NALCN: variants seen among roughly 807,000 people sequenced by gnomAD.
The protein encoded by NALCN is sodium leak channel NALCN.
Under a neutral mutation model 225.3 loss-of-function variants are expected in NALCN, and 111 were observed. The ratio of observed to expected loss-of-function variants is 0.49; its 90% CI spans 0.42 to 0.58. The LOEUF (loss-of-function observed/expected upper bound fraction) is 0.58, where lower values mean the gene tolerates loss of function less well. NALCN is among the 20% of genes least tolerant of loss of function. The pLI is 0.00. For synonymous variants in NALCN, 764 were observed against 769.0 expected (o/e 0.99, Z 0.11); for missense variants, 1,378 against 2,202.4 (o/e 0.63, Z 7.49).
chr13:101,312,076 G>A (rs1015013673), intron 7 of NALCN, among the ~76,000 whole-genome samples: 3 of 152,014 alleles, frequency 2.0e-5, no homozygotes, highest in Non-Finnish European at 4.4e-5. Context: ...ACTTCTTCCT[G>A]GTTTAGTCTT....
chr13:101,220,108 G>C (rs2040880170), intron 13 of NALCN, among the ~76,000 whole-genome samples: 1 of 152,150 alleles, frequency 6.6e-6, no homozygotes, highest in Non-Finnish European at 1.5e-5. Context: ...TATAAACATT[G>C]CTGGGAGGCA....
At chr13:101,333,929 C>G (rs754265797) in intron 7 of NALCN, among the ~76,000 whole-genome samples, 46 of 152,122 alleles carry the variant, frequency 3.0e-4, no homozygotes, top group Non-Finnish European at 4.9e-4. Context: ...GAAATTAGAG[C>G]CTAGAGTTGT....
chr13:101,092,628 G>A (rs553581058), intron 28 of NALCN, among the ~76,000 whole-genome samples: 2 of 152,080 alleles, frequency 1.3e-5, no homozygotes, highest in Non-Finnish European at 2.9e-5. Flanking sequence ...TTGGGGTTAG[G>A]TGCTTCTCCT....
rs150261723 is a variant in NALCN, at chr13:101,065,169, GACATCAGGGC to G, written c.4604+225_4604+234del. Among the ~76,000 whole-genome samples, 484 of 152,308 alleles carry G rather than the reference GACATCAGGGC, an allele frequency of 3.2e-3. 2 individuals carry two copies. The highest frequency in any genetic ancestry group is 0.011 in the African/African-American group (459 of 41,578). ...CCTCAGTGGGCAGGGGTCCCTACGG[GACATCAGGGC>G]ACAGCCGCCCAGCCCTCCCCTGCGA... is the stretch of plus-strand genomic sequence containing the variant. On this transcript the variant is annotated intron_variant, in intron 40 of 43. Transcript: ENST00000251127.
intron 1 of NALCN, among the ~76,000 whole-genome samples, chr13:101,415,208 C>CATATATATATAT (rs1030463057): frequency 3.7e-5 from 4 of 107,806 alleles, no homozygotes; most frequent in South Asian, 2.7e-4. Context: ...AAATCACACA[C>CATATATATATAT]ATATATATAT....
chr13:101,131,357 G>T (rs2139730970), intron 17 of NALCN, among the ~76,000 whole-genome samples: 1 of 152,126 alleles, frequency 6.6e-6, no homozygotes, highest in Non-Finnish European at 1.5e-5. Flanking sequence ...AGGGAATTTG[G>T]CTTTGATAAT....
chr13:101,335,504 T>G (rs1311587204), intron 7 of NALCN, among the ~76,000 whole-genome samples: 1 of 152,160 alleles, frequency 6.6e-6, no homozygotes, highest in East Asian at 1.9e-4. Flanking sequence ...TGTCCTCGAC[T>G]CAACAAAAAT....
intron 15 of NALCN, among the ~76,000 whole-genome samples, chr13:101,158,398 C>T (rs2038007559): frequency 6.6e-6 from 1 of 152,214 alleles, no homozygotes; most frequent in Non-Finnish European, 1.5e-5. Flanking sequence ...CCCCAACCTT[C>T]CTCTAACATC....
intron 11 of NALCN, among the ~76,000 whole-genome samples, chr13:101,254,498 G>A (rs576847228): frequency 2.0e-5 from 3 of 151,900 alleles, no homozygotes; most frequent in Non-Finnish European, 4.4e-5. Flanking sequence ...GGTTGTTTAA[G>A]TCAACAAAAT....
At chr13:101,088,781 A>G (rs1255038504) in intron 30 of NALCN, among the ~76,000 whole-genome samples, 3 of 152,228 alleles carry the variant, frequency 2.0e-5, no homozygotes, top group African/African-American at 7.2e-5. Context: ...ATAGGAAACT[A>G]CATTGTTATT....
intron 13 of NALCN, among the ~76,000 whole-genome samples, chr13:101,221,581 C>T (rs992419049): frequency 2.0e-5 from 3 of 152,152 alleles, no homozygotes; most frequent in African/African-American, 7.2e-5. Flanking sequence ...TTAGACCTCT[C>T]CCAACTACCT....
chr13:101,158,265 T>C (rs2038001070), intron 15 of NALCN, among the ~76,000 whole-genome samples: 1 of 152,360 alleles, frequency 6.6e-6, no homozygotes, highest in East Asian at 1.9e-4. Context: ...AGTTTTACTC[T>C]GGTCTTCCGC....
At chr13:101,354,626 A>G (rs2045996625) in intron 6 of NALCN, among the ~76,000 whole-genome samples, 2 of 152,236 alleles carry the variant, frequency 1.3e-5, no homozygotes, top group East Asian at 1.9e-4. Flanking sequence ...AATTCAGCCA[A>G]TTAACTTTGG....
intron 7 of NALCN, among the ~76,000 whole-genome samples, chr13:101,341,091 G>A (rs937758485): frequency 2.0e-5 from 3 of 151,790 alleles, no homozygotes; most frequent in Middle Eastern, 3.5e-3. Flanking sequence ...TATCTCCCCC[G>A]GTTTTCATCT....
chr13:101,081,522 C>G lies in NALCN; in HGVS notation c.3885+5G>C. The G allele has an allele frequency of 6.2e-7, 1 of 1,613,976 alleles. No homozygotes were observed. Among genetic ancestry groups the G allele is most frequent in the Non-Finnish European group, 8.5e-7 (1 of 1,179,964 alleles). On this transcript the variant is annotated splice_donor_5th_base_variant and intron_variant, in intron 34 of 43. Coordinates refer to ENST00000251127, the MANE Select transcript of NALCN (RefSeq NM_052867.4). The stretch of plus-strand genomic sequence containing the variant: ...AGCTGAAATCAACTTGACTTCTATG[C>G]TTACCAGGAGGGCAAAGTGAAGCAC...
chr13:101,235,469 TA>T (rs2140149572), intron 12 of NALCN, among the ~76,000 whole-genome samples: 1 of 151,740 alleles, frequency 6.6e-6, no homozygotes, highest in South Asian at 2.1e-4. Flanking sequence ...ATATTCTCTA[TA>T]ATTATGTGCA....
At chr13:101,379,889 T>C (rs1342511236) in intron 3 of NALCN, among the ~76,000 whole-genome samples, 2 of 152,142 alleles carry the variant, frequency 1.3e-5, no homozygotes, top group African/African-American at 4.8e-5. Flanking sequence ...ATATGCACTT[T>C]ACACAGGAAC....
At chr13:101,374,023 G>C (rs1454974467) in intron 6 of NALCN, among the ~76,000 whole-genome samples, 1 of 151,866 alleles carries the variant, frequency 6.6e-6, no homozygotes, top group African/African-American at 2.4e-5. Flanking sequence ...TCCAGAAAAT[G>C]GTTATCAAAA....
chr13:101,401,504 C>T (rs1488028656), intron 1 of NALCN, among the ~76,000 whole-genome samples: 5 of 152,158 alleles, frequency 3.3e-5, no homozygotes, highest in Non-Finnish European at 7.4e-5. Flanking sequence ...GTCCACAATT[C>T]CTCTTTCACT....
Sources: gnomAD v4.1 joint callset for allele counts (sites outside exome capture counted in the v4.1 genomes callset) on GRCh38, gnomAD v4.1.1 for gene constraint, MANE v1.5 for transcripts, NCBI Gene and HGNC (gene_info 2026-07-23, HGNC 2026-07-21) for gene names.